LYPLAL1: variants seen among roughly 807,000 people sequenced by gnomAD.
The protein encoded by LYPLAL1 is lysophospholipase-like protein 1.
In LYPLAL1, 23 loss-of-function variants were observed where a neutral mutation model predicts 19.7. That is an observed-to-expected ratio of 1.17 (90% CI 0.84 to 1.65). The LOEUF is 1.65. Ranked by LOEUF, LYPLAL1 falls within the 40% of genes most tolerant of loss-of-function variation. LYPLAL1 has a pLI of 0.00. For missense variants in LYPLAL1, 355 were observed against 279.4 expected (o/e 1.27, Z -1.93); for synonymous variants, 119 against 96.3 (o/e 1.24, Z -1.38).
the LYPLAL1 span, among the ~76,000 whole-genome samples, chr1:219,359,444 C>T: frequency 6.6e-6 from 1 of 152,168 alleles, no homozygotes; most frequent in South Asian, 2.1e-4. Flanking sequence ...GGAGATCAGA[C>T]AAGCGGTTTT....
the LYPLAL1 span, among the ~76,000 whole-genome samples, chr1:219,288,752 A>G: frequency 1.3e-5 from 2 of 152,220 alleles, no homozygotes; most frequent in Non-Finnish European, 2.9e-5. Context: ...CCATATGTGG[A>G]GACAAGAGTA....
chr1:219,186,665 T>C (rs1469146652), intron 2 of LYPLAL1, among the ~76,000 whole-genome samples: 3 of 151,866 alleles, frequency 2.0e-5, no homozygotes, highest in African/African-American at 7.2e-5. Context: ...CACTTCATTT[T>C]TCATCCTTTT....
chr1:219,333,390 T>C, the LYPLAL1 span, among the ~76,000 whole-genome samples: 1 of 151,988 alleles, frequency 6.6e-6, no homozygotes, highest in Non-Finnish European at 1.5e-5. Context: ...TCTCAGGAGT[T>C]GCACAGTAGG....
chr1:219,398,496 T>G, the LYPLAL1 span, among the ~76,000 whole-genome samples: 1 of 152,210 alleles, frequency 6.6e-6, no homozygotes, highest in African/African-American at 2.4e-5. Flanking sequence ...TGGGTTTCAA[T>G]GTACTCCTGC....
the LYPLAL1 span, among the ~76,000 whole-genome samples, chr1:219,267,751 A>G: frequency 6.6e-6 from 1 of 152,232 alleles, no homozygotes; most frequent in Non-Finnish European, 1.5e-5. Context: ...GTCAGCTGAT[A>G]AATTGCAGAG....
At chr1:219,261,383 C>A in the LYPLAL1 span, among the ~76,000 whole-genome samples, 1 of 152,076 alleles carries the variant, frequency 6.6e-6, no homozygotes, top group Non-Finnish European at 1.5e-5. Flanking sequence ...AGCTAGGGCT[C>A]CAGGATAGCA....
chr1:219,316,017 G>A, the LYPLAL1 span, among the ~76,000 whole-genome samples: 2 of 152,084 alleles, frequency 1.3e-5, no homozygotes, highest in African/African-American at 2.4e-5. Flanking sequence ...TACGTATAAG[G>A]ACAAACCTAT....
At chr1:219,308,904 T>C in the LYPLAL1 span, among the ~76,000 whole-genome samples, 4 of 152,136 alleles carry the variant, frequency 2.6e-5, no homozygotes, top group African/African-American at 7.2e-5. Context: ...GAGCCAGCGT[T>C]CTCCAGACCC....
At chr1:219,263,159 A>G in the LYPLAL1 span, among the ~76,000 whole-genome samples, 146,511 of 152,206 alleles carry the variant, frequency 0.96, 70,778 homozygotes, top group East Asian at 1. Flanking sequence ...TCCTTGGGTC[A>G]GGCTTGCTAC....
At chr1:219,202,477 G>C (rs1255598902) in intron 3 of LYPLAL1, among the ~76,000 whole-genome samples, 2 of 152,110 alleles carry the variant, frequency 1.3e-5, no homozygotes, top group Non-Finnish European at 1.5e-5. Flanking sequence ...ATTTAAACAA[G>C]AGTTACTGTT....
At chr1:219,250,570 C>T in the LYPLAL1 span, among the ~76,000 whole-genome samples, 2 of 151,378 alleles carry the variant, frequency 1.3e-5, no homozygotes, top group African/African-American at 4.8e-5. Flanking sequence ...TTATTTTCTT[C>T]ATGTGTTAGT....
intron 3 of LYPLAL1, among the ~76,000 whole-genome samples, chr1:219,203,562 T>C (rs1658295581): frequency 6.6e-6 from 1 of 151,916 alleles, no homozygotes; most frequent in Non-Finnish European, 1.5e-5. Context: ...TTTCTGGGAG[T>C]TGGGAACTGC....
rs79854103 is a variant in LYPLAL1 at position 219,204,999 on chromosome 1, G to A, written c.362-5533G>A. On this transcript the variant is annotated intron_variant, in intron 3 of 4. Transcript: ENST00000366928. ...CTGGAACTACACTGGAGTAATTTAC[G>A]TGGATGATCTAAATATCCATCATGA... Among the ~76,000 whole-genome samples, 742 of 152,224 alleles carry A rather than the reference G, an allele frequency of 4.9e-3. 5 individuals are homozygous for A. The highest frequency in any genetic ancestry group is 0.023 in the South Asian group (113 of 4,822).
the LYPLAL1 span, among the ~76,000 whole-genome samples, chr1:219,364,076 A>G: frequency 6.6e-6 from 1 of 152,298 alleles, no homozygotes; most frequent in South Asian, 2.1e-4. Flanking sequence ...TCTGCATGTG[A>G]TGACCAGCTA....
the LYPLAL1 span, among the ~76,000 whole-genome samples, chr1:219,432,770 A>C: frequency 6.6e-6 from 1 of 152,208 alleles, no homozygotes; most frequent in Non-Finnish European, 1.5e-5. Context: ...AAAGTTAAGC[A>C]CTTAGAATAA....
chr1:219,322,354 C>T, the LYPLAL1 span, among the ~76,000 whole-genome samples: 1 of 152,166 alleles, frequency 6.6e-6, no homozygotes, highest in African/African-American at 2.4e-5. Flanking sequence ...AATATACTGG[C>T]TTGCACAGAT....
At chr1:219,398,303 G>C in the LYPLAL1 span, among the ~76,000 whole-genome samples, 1 of 152,230 alleles carries the variant, frequency 6.6e-6, no homozygotes, top group East Asian at 1.9e-4. Flanking sequence ...CAGAAAGACA[G>C]TCTTCAGGCT....
chr1:219,302,563 C>G, the LYPLAL1 span, among the ~76,000 whole-genome samples: 1 of 152,144 alleles, frequency 6.6e-6, no homozygotes, highest in Non-Finnish European at 1.5e-5. Flanking sequence ...GTTTCCATAT[C>G]TCTCTGAGTC....
chr1:219,343,054 G>C, the LYPLAL1 span, among the ~76,000 whole-genome samples: 1 of 152,160 alleles, frequency 6.6e-6, no homozygotes, highest in African/African-American at 2.4e-5. Context: ...GAGGATTTGG[G>C]CTTCAGCCCA....
Sources: gnomAD v4.1 joint callset for allele counts (sites outside exome capture counted in the v4.1 genomes callset) on GRCh38, gnomAD v4.1.1 for gene constraint, MANE v1.5 for transcripts, NCBI Gene and HGNC (gene_info 2026-07-23, HGNC 2026-07-21) for gene names.